MDFIC2: variants seen among roughly 807,000 people sequenced by gnomAD.
MDFIC2 encodes MyoD family inhibitor domain containing 2.
intron 2 of MDFIC2, chr3:70,283,925 C>T (rs553415448): frequency 1.3e-5 from 2 of 152,068 alleles, no homozygotes; most frequent in South Asian, 4.1e-4. Context: ...TATTAATAAT[C>T]TTAAGATTAT....
intron 2 of MDFIC2, among the ~76,000 whole-genome samples, chr3:70,226,644 A>G (rs1350675929): frequency 6.6e-6 from 1 of 151,484 alleles, no homozygotes; most frequent in Non-Finnish European, 1.5e-5. Context: ...AGGCTGAGGC[A>G]GGAGAATTGC....
At chr3:70,235,780 C>T (rs1303045324) in intron 2 of MDFIC2, among the ~76,000 whole-genome samples, 1 of 152,184 alleles carries the variant, frequency 6.6e-6, no homozygotes, top group Non-Finnish European at 1.5e-5. Context: ...TCCCTTGTCA[C>T]TAAGCCTCAT....
intron 2 of MDFIC2, among the ~76,000 whole-genome samples, chr3:70,282,940 CTT>C (rs1374865089): frequency 1.3e-5 from 2 of 152,102 alleles, no homozygotes; most frequent in Non-Finnish European, 2.9e-5. Flanking sequence ...AAAGATGACT[CTT>C]ATAACCATTG....
At chr3:70,288,502 G>T (rs1702191400) in intron 2 of MDFIC2, among the ~76,000 whole-genome samples, 1 of 150,706 alleles carries the variant, frequency 6.6e-6, no homozygotes, top group African/African-American at 2.5e-5. Context: ...TTTGGAATAG[G>T]TGTGGTGTGG....
At chr3:70,272,762 C>A (rs1166493762) in intron 2 of MDFIC2, among the ~76,000 whole-genome samples, 1 of 152,164 alleles carries the variant, frequency 6.6e-6, no homozygotes, top group East Asian at 1.9e-4. Context: ...CTAAATTCCC[C>A]TTGCTTTCTT....
chr3:70,239,487 C>T (rs1701644165), intron 2 of MDFIC2, among the ~76,000 whole-genome samples: 1 of 151,704 alleles, frequency 6.6e-6, no homozygotes, highest in South Asian at 2.1e-4. Context: ...ATGGTTTGAT[C>T]ATTATTGTTT....
chr3:70,277,545 G>A (rs1702039632), intron 2 of MDFIC2, among the ~76,000 whole-genome samples: 1 of 152,128 alleles, frequency 6.6e-6, no homozygotes, highest in African/African-American at 2.4e-5. Flanking sequence ...TTGGCTTTTA[G>A]TGCTATTACT....
intron 2 of MDFIC2, among the ~76,000 whole-genome samples, chr3:70,244,064 C>T (rs1247500744): frequency 2.0e-5 from 3 of 152,134 alleles, no homozygotes; most frequent in East Asian, 1.9e-4. Context: ...GATTTTCCAC[C>T]GTAACTACTT....
intron 2 of MDFIC2, among the ~76,000 whole-genome samples, chr3:70,264,048 C>A (rs1021030039): frequency 6.6e-6 from 1 of 152,220 alleles, no homozygotes; most frequent in South Asian, 2.1e-4. Flanking sequence ...GTTATAAATT[C>A]TGTAATCATC....
At chr3:70,206,206 C>A (rs1701289429) in intron 3 of MDFIC2, among the ~76,000 whole-genome samples, 1 of 151,944 alleles carries the variant, frequency 6.6e-6, no homozygotes. Context: ...AATACTATTT[C>A]TCTCTGCCTT....
chr3:70,245,382 G>A (rs922973875), intron 2 of MDFIC2, among the ~76,000 whole-genome samples: 1 of 151,748 alleles, frequency 6.6e-6, no homozygotes, highest in East Asian at 1.9e-4. Flanking sequence ...CACTCTTAAT[G>A]TTTTAATGCT....
chr3:70,258,570 C>T (rs1408755760), intron 2 of MDFIC2, among the ~76,000 whole-genome samples: 1 of 152,180 alleles, frequency 6.6e-6, no homozygotes, highest in Middle Eastern at 3.4e-3. Flanking sequence ...AATTTCTATC[C>T]ATTGTAAACA....
intron 2 of MDFIC2, among the ~76,000 whole-genome samples, chr3:70,245,778 A>G (rs954247066): frequency 6.8e-6 from 1 of 146,006 alleles, no homozygotes; most frequent in Non-Finnish European, 1.5e-5. Context: ...AAAGGACATC[A>G]TGAAGGTTGA....
chr3:70,200,322 C>G (rs1208905521), intron 3 of MDFIC2, among the ~76,000 whole-genome samples: 1 of 152,204 alleles, frequency 6.6e-6, no homozygotes, highest in Non-Finnish European at 1.5e-5. Flanking sequence ...AGTGCCAAAT[C>G]CTTGCCTTAG....
rs965918688 is a variant in MDFIC2 at position 70,194,947 on chromosome 3, G to T, written c.*1979C>A. The stretch of plus-strand genomic sequence containing the variant: ...GGGACATAAGGAAGCACTAGGAGGT[G>T]CAAGGAAACAACTGTTGATGAGTCA... On this transcript the variant is annotated 3_prime_UTR_variant, in exon 4 of 4. Transcript: ENST00000567252. 6.6e-6 allele frequency among the ~76,000 whole-genome samples: 1 copy of T among 152,126 alleles called. No homozygotes were observed. Among genetic ancestry groups the T allele is most frequent in the East Asian group, 1.9e-4 (1 of 5,172 alleles).
At position 70,237,979 on chromosome 3, in the gene MDFIC2, CTTTTTTTTT is replaced by C. The variant is rs71672662; in HGVS notation, c.89-31198_89-31190del. 4.7e-4 allele frequency among the ~76,000 whole-genome samples: 23 copies of C among 48,942 alleles called. No homozygotes were observed. The South Asian group carries it at 0.013, about 27-fold the overall frequency. 32.1% of individuals were successfully genotyped at this position (48,942 alleles called of 152,430 possible). ...GGAAAAGAAACTAATTGAGTGGTAT[CTTTTTTTTT>C]TTTTTTTTTTTTTTTTTGCCTGTCC... On this transcript the variant is annotated intron_variant, in intron 2 of 3. Transcript: ENST00000567252.
intron 2 of MDFIC2, among the ~76,000 whole-genome samples, chr3:70,276,752 C>A (rs1021869298): frequency 1.3e-5 from 2 of 152,184 alleles, no homozygotes; most frequent in Admixed American, 6.5e-5. Flanking sequence ...TGTGTTTTCA[C>A]ACTATAATGG....
chr3:70,230,143 A>G (rs529295757), intron 2 of MDFIC2, among the ~76,000 whole-genome samples: 2 of 152,344 alleles, frequency 1.3e-5, no homozygotes, highest in South Asian at 4.1e-4. Flanking sequence ...TCAGGCCGAA[A>G]TTGAAATCCA....
At chr3:70,279,346 A>G (rs553587119) in intron 2 of MDFIC2, among the ~76,000 whole-genome samples, 242 of 152,234 alleles carry the variant, frequency 1.6e-3, no homozygotes, top group African/African-American at 5.6e-3. Flanking sequence ...AAGATTTGAA[A>G]CCAAATCCAT....
Sources: allele counts gnomAD v4.1 joint callset (sites outside exome capture counted in the v4.1 genomes callset), GRCh38; gene constraint gnomAD v4.1.1; transcripts MANE v1.5; gene names NCBI Gene and HGNC (gene_info 2026-07-23, HGNC 2026-07-21).